Variants in PIK3C2G observed in about 807,000 individuals in gnomAD.
PIK3C2G encodes the protein phosphatidylinositol 3-kinase C2 domain-containing subunit gamma.
Under a neutral mutation model 181.1 loss-of-function variants are expected in PIK3C2G, and 168 were observed. The ratio of observed to expected loss-of-function variants is 0.93; its 90% confidence interval spans 0.82 to 1.05. The LOEUF (loss-of-function observed/expected upper bound fraction) is 1.05, where lower values mean the gene tolerates loss of function less well. Ranked by LOEUF, PIK3C2G falls within the 50% of genes least tolerant of loss-of-function variation. The probability of loss-of-function intolerance (pLI) is 0.00; values close to 1 mark genes in which losing one functional copy is unlikely to be tolerated. For synonymous variants in PIK3C2G, 573 were observed against 592.2 expected (o/e 0.97, Z 0.47); for missense variants, 1,869 against 1,732.8 (o/e 1.08, Z -1.40).
At chr12:18,348,349 C>T (rs1010907787) in intron 11 of PIK3C2G, among the ~76,000 whole-genome samples, 2 of 150,562 alleles carry the variant, frequency 1.3e-5, no homozygotes, top group South Asian at 2.1e-4. Context: ...TGTGTGTGTG[C>T]GTATGAATGA....
upstream of PIK3C2G, among the ~76,000 whole-genome samples, chr12:18,259,268 G>A (rs912071721): frequency 6.6e-6 from 1 of 152,000 alleles, no homozygotes; most frequent in Non-Finnish European, 1.5e-5. Flanking sequence ...CTTTAAAATG[G>A]GTATATACAA....
intron 28 of PIK3C2G, among the ~76,000 whole-genome samples, chr12:18,564,302 G>A (rs1945501995): frequency 6.6e-6 from 1 of 151,698 alleles, no homozygotes; most frequent in Non-Finnish European, 1.5e-5. Flanking sequence ...AAAAATGTGA[G>A]CTTTCCAGAA....
At chr12:18,245,084 C>CT (rs1296486050), upstream of PIK3C2G, among the ~76,000 whole-genome samples, 1 of 152,042 alleles carries the variant, frequency 6.6e-6, no homozygotes, top group Non-Finnish European at 1.5e-5. Context: ...CTGAAAAATA[C>CT]TTTAAGAGAT....
the PIK3C2G span, among the ~76,000 whole-genome samples, chr12:18,686,444 AC>A: frequency 6.6e-6 from 1 of 151,454 alleles, no homozygotes; most frequent in Non-Finnish European, 1.5e-5. Context: ...CCTATATTCC[AC>A]CCATCTTGAG....
chr12:18,363,007 T>C, intron 12 of PIK3C2G, 121 bp downstream of exon 12: 1 of 720,846 alleles, frequency 1.4e-6, no homozygotes, highest in East Asian at 2.9e-5. Context: ...TTTGATTCAG[T>C]GGTATGATAA....
At chr12:18,621,446 T>C (rs1348753602) in intron 31 of PIK3C2G, among the ~76,000 whole-genome samples, 1 of 151,892 alleles carries the variant, frequency 6.6e-6, no homozygotes, top group Non-Finnish European at 1.5e-5. Context: ...TTTGCATGTA[T>C]TGAGTTAGAA....
At chr12:18,650,990 T>C (rs530614473), downstream of PIK3C2G, among the ~76,000 whole-genome samples, 5 of 151,984 alleles carry the variant, frequency 3.3e-5, no homozygotes, top group South Asian at 1.0e-3. Context: ...TATATCATTC[T>C]TCTGTTCAAA....
At chr12:18,652,361 G>C (rs1950555952), downstream of PIK3C2G, among the ~76,000 whole-genome samples, 1 of 152,032 alleles carries the variant, frequency 6.6e-6, no homozygotes, top group Non-Finnish European at 1.5e-5. Context: ...ATATTAGAGT[G>C]ATGCATCTAC....
the PIK3C2G span, among the ~76,000 whole-genome samples, chr12:18,704,158 A>G: frequency 2.0e-5 from 3 of 152,256 alleles, no homozygotes; most frequent in Admixed American, 2.0e-4. Context: ...TGTTAATGAG[A>G]GGACAACCAG....
At chr12:18,533,941 C>CT (rs542327503) in intron 24 of PIK3C2G, among the ~76,000 whole-genome samples, 3,216 of 91,456 alleles carry the variant, frequency 0.035, 248 homozygotes, top group African/African-American at 0.11. Flanking sequence ...CCTGCTATTT[C>CT]TTTTTTTTTT....
intron 24 of PIK3C2G, among the ~76,000 whole-genome samples, chr12:18,525,630 T>A (rs1224029359): frequency 6.6e-6 from 1 of 152,190 alleles, no homozygotes; most frequent in Non-Finnish European, 1.5e-5. Flanking sequence ...TTCTCAATTC[T>A]GTATTTAATG....
chr12:18,466,483 C>A (rs541394095), intron 18 of PIK3C2G, among the ~76,000 whole-genome samples: 8 of 151,936 alleles, frequency 5.3e-5, no homozygotes, highest in East Asian at 1.9e-4. Flanking sequence ...ATTTGTAGAA[C>A]CCTTTTTAAA....
intron 10 of PIK3C2G, 143 bp from the exon 11 acceptor site, chr12:18,346,498 T>C (rs1039676898): frequency 1.2e-5 from 6 of 496,376 alleles, no homozygotes; most frequent in Non-Finnish European, 3.5e-6. Flanking sequence ...GAGGTACAGA[T>C]AGTTAATTCT....
intron 13 of PIK3C2G, among the ~76,000 whole-genome samples, chr12:18,379,300 T>A (rs1361360308): frequency 7.6e-6 from 1 of 132,160 alleles, no homozygotes; most frequent in Non-Finnish European, 1.5e-5. Flanking sequence ...CACTCATAGG[T>A]GGGAATTGAA....
At chr12:18,560,333 T>G (rs1325110129) in intron 26 of PIK3C2G, among the ~76,000 whole-genome samples, 2 of 151,784 alleles carry the variant, frequency 1.3e-5, no homozygotes, top group Admixed American at 6.6e-5. Flanking sequence ...TTAAAAAAAG[T>G]GGGCCAGAAA....
At chr12:18,702,779 C>A in the PIK3C2G span, among the ~76,000 whole-genome samples, 4 of 147,064 alleles carry the variant, frequency 2.7e-5, no homozygotes, top group East Asian at 2.0e-4. Flanking sequence ...CTAGGCAATT[C>A]TTTTACACAC....
At chr12:18,689,394 G>A in the PIK3C2G span, among the ~76,000 whole-genome samples, 1,457 of 152,238 alleles carry the variant, frequency 9.6e-3, 20 homozygotes, top group African/African-American at 0.029. Context: ...CTTTGAATGC[G>A]GCCCAACGCA....
chr12:18,632,812 C>A, intron 31 of PIK3C2G, among the ~76,000 whole-genome samples: 1 of 152,144 alleles, frequency 6.6e-6, no homozygotes, highest in East Asian at 1.9e-4. Context: ...GCCCACCCAC[C>A]CTGGGGATGA....
intron 18 of PIK3C2G, among the ~76,000 whole-genome samples, chr12:18,458,893 T>C (rs1269561276): frequency 1.3e-5 from 2 of 150,840 alleles, no homozygotes; most frequent in African/African-American, 4.9e-5. Context: ...GGCTGGACTC[T>C]CCTTACAACC....
Sources: gnomAD v4.1 joint callset for allele counts (sites outside exome capture counted in the v4.1 genomes callset) on GRCh38, gnomAD v4.1.1 for gene constraint, MANE v1.5 for transcripts, NCBI Gene and HGNC (gene_info 2026-07-23, HGNC 2026-07-21) for gene names.